Variants in RGS17 observed in about 807,000 individuals in gnomAD.
The protein encoded by RGS17 is regulator of G-protein signaling 17.
RGS17 carries 12 observed loss-of-function variants against 25.5 expected under a neutral mutation model. The ratio of observed to expected loss-of-function variants is 0.47; its 90% CI spans 0.30 to 0.76. The LOEUF is 0.76. RGS17 is among the 30% of genes least tolerant of loss of function. RGS17 has a pLI of 0.07. For missense variants in RGS17, 196 were observed against 242.2 expected (o/e 0.81, Z 1.27); for synonymous variants, 71 against 76.9 (o/e 0.92, Z 0.40).
intron 2 of RGS17, among the ~76,000 whole-genome samples, chr6:153,043,684 T>A (rs1372544414): frequency 6.6e-6 from 1 of 152,180 alleles, no homozygotes; most frequent in African/African-American, 2.4e-5. Context: ...TTTTACCTTA[T>A]TATCAATTTA....
At chr6:153,048,122 A>G (rs1272465778) in intron 1 of RGS17, among the ~76,000 whole-genome samples, 2 of 152,182 alleles carry the variant, frequency 1.3e-5, no homozygotes, top group East Asian at 3.9e-4. Flanking sequence ...CAAATATCCA[A>G]CTACCTACTC....
chr6:153,042,117 G>A (rs1008016600), intron 2 of RGS17, among the ~76,000 whole-genome samples: 1 of 152,194 alleles, frequency 6.6e-6, no homozygotes, highest in Admixed American at 6.5e-5. Flanking sequence ...GTACTTCACA[G>A]ATTAAGACCA....
At chr6:153,016,375 CTCT>C (rs1779183975) in intron 4 of RGS17, among the ~76,000 whole-genome samples, 1 of 152,186 alleles carries the variant, frequency 6.6e-6, no homozygotes, top group Non-Finnish European at 1.5e-5. Flanking sequence ...AAACACACTC[CTCT>C]GTTTTCTTTC....
intron 4 of RGS17, among the ~76,000 whole-genome samples, chr6:153,021,235 A>G (rs1236417187): frequency 2.6e-5 from 4 of 152,208 alleles, no homozygotes; most frequent in Admixed American, 6.5e-5. Context: ...GTGCACCTGA[A>G]TATTAGTCCA....
chr6:153,058,337 A>T (rs1776591121), intron 1 of RGS17, among the ~76,000 whole-genome samples: 3 of 152,116 alleles, frequency 2.0e-5, no homozygotes, highest in Admixed American at 2.0e-4. Flanking sequence ...TTTTGTATCC[A>T]TTGGCTGGGA....
chr6:153,019,909 G>A (rs1291263012), intron 4 of RGS17, among the ~76,000 whole-genome samples: 2 of 151,538 alleles, frequency 1.3e-5, no homozygotes, highest in Non-Finnish European at 1.5e-5. Context: ...TGTGGAGCAA[G>A]TCTACTATTA....
chr6:153,063,606 G>A (rs549079214), intron 1 of RGS17, among the ~76,000 whole-genome samples: 96 of 152,068 alleles, frequency 6.3e-4, no homozygotes, highest in Non-Finnish European at 4.4e-4. Flanking sequence ...AGACTCAACA[G>A]GGCAAATCTA....
intron 1 of RGS17, among the ~76,000 whole-genome samples, chr6:153,126,145 C>T (rs1777700560): frequency 6.6e-6 from 1 of 152,184 alleles, no homozygotes; most frequent in African/African-American, 2.4e-5. Flanking sequence ...GCTTAACTGA[C>T]TCATTCTGAT....
rs1436054030 is a variant in RGS17, at chr6:153,006,062, A to G, written c.*5512T>C. ...GTCAGGGTCTCACTTTGTTGCATAG[A>G]CATGTCTGGAACTCCTGGGCTCAAG... On this transcript the variant is annotated 3_prime_UTR_variant, in exon 5 of 5. Coordinates refer to ENST00000206262, the MANE Select transcript of RGS17 (RefSeq NM_012419.5). 1 of 152,104 alleles carries G rather than the reference A, an allele frequency of 6.6e-6. No individual in the cohort carries two copies. The highest frequency in any genetic ancestry group is 1.5e-5 in the Non-Finnish European group (1 of 68,024). 9.4% of individuals were successfully genotyped at this position (152,104 alleles called of 1,614,324 possible).
At chr6:153,100,046 T>G (rs1584156802) in intron 1 of RGS17, among the ~76,000 whole-genome samples, 1 of 152,322 alleles carries the variant, frequency 6.6e-6, no homozygotes, top group Admixed American at 6.5e-5. Context: ...ACACTTTCAA[T>G]TTGGCAATAA....
chr6:153,112,099 G>T (rs1210575432), intron 1 of RGS17, among the ~76,000 whole-genome samples: 2 of 152,188 alleles, frequency 1.3e-5, no homozygotes, highest in Non-Finnish European at 2.9e-5. Flanking sequence ...CGAATTGACA[G>T]AAGTAGGCTT....
Position 153,037,895 on chromosome 6 carries a change from C to T in RGS17, c.119+6005G>A, listed in dbSNP as rs117530568. ...ACATGGGGCAGACAGGAGTATCACT[C>T]GTATAAAAAATGGTTCAGTGGGTTG... On this transcript the variant is annotated intron_variant, in intron 2 of 4. Transcript: ENST00000206262. Among the ~76,000 whole-genome samples the T allele has an allele frequency of 2.8e-3, 433 of 152,202 alleles. 2 individuals carry two copies. Among genetic ancestry groups the T allele is most frequent in the Non-Finnish European group, 4.8e-3 (329 of 68,010 alleles).
chr6:153,038,122 G>A (rs191740775), intron 2 of RGS17, among the ~76,000 whole-genome samples: 3 of 152,256 alleles, frequency 2.0e-5, no homozygotes, highest in East Asian at 3.9e-4. Context: ...TTTTTTGTCC[G>A]GGTCTGAACC....
chr6:153,017,961 C>G (rs1040560046), intron 4 of RGS17, among the ~76,000 whole-genome samples: 2 of 152,164 alleles, frequency 1.3e-5, no homozygotes, highest in Admixed American at 1.3e-4. Flanking sequence ...ACATGATCCT[C>G]CTATCAATTT....
chr6:153,083,732 C>G (rs753166615), intron 1 of RGS17, among the ~76,000 whole-genome samples: 17 of 152,164 alleles, frequency 1.1e-4, no homozygotes, highest in Middle Eastern at 6.8e-3. Context: ...AACAGAGGAG[C>G]CTTATTTTAA....
At chr6:153,077,040 T>G (rs904607911) in intron 1 of RGS17, among the ~76,000 whole-genome samples, 1 of 152,144 alleles carries the variant, frequency 6.6e-6, no homozygotes, top group East Asian at 1.9e-4. Flanking sequence ...AAAACATCAC[T>G]AATGAGGGAC....
intron 1 of RGS17, among the ~76,000 whole-genome samples, chr6:153,121,612 T>C (rs970241695): frequency 6.6e-5 from 10 of 152,220 alleles, no homozygotes; most frequent in Non-Finnish European, 1.5e-5. Context: ...CAATGTCCTG[T>C]TGCTCAATAA....
chr6:153,079,448 T>C (rs1431346919), intron 1 of RGS17, among the ~76,000 whole-genome samples: 1 of 152,242 alleles, frequency 6.6e-6, no homozygotes, highest in Non-Finnish European at 1.5e-5. Flanking sequence ...TGTTTGCTAT[T>C]GATTTGTCAT....
chr6:153,110,488 AC>A (rs1238823385), intron 1 of RGS17, among the ~76,000 whole-genome samples: 1 of 150,616 alleles, frequency 6.6e-6, no homozygotes, highest in Non-Finnish European at 1.5e-5. Context: ...GTTTTTAGCT[AC>A]CAGGAAGGGT....
Sources: gnomAD v4.1 joint callset for allele counts (sites outside exome capture counted in the v4.1 genomes callset) on GRCh38, gnomAD v4.1.1 for gene constraint, MANE v1.5 for transcripts, NCBI Gene and HGNC (gene_info 2026-07-23, HGNC 2026-07-21) for gene names.